PFKFB3: variants seen among roughly 807,000 people sequenced by gnomAD.
The protein encoded by PFKFB3 is 6-phosphofructo-2-kinase/fructose-2,6-biphosphatase 3, also known as 6-phosphofructo-2-kinase/fructose-2,6-bisphosphatase 3.
In PFKFB3, 33 loss-of-function variants were observed where a neutral mutation model predicts 68.0. That is an observed-to-expected ratio of 0.49 (90% CI 0.37 to 0.65). The LOEUF is 0.65. PFKFB3 is among the 30% of genes least tolerant of loss of function. The pLI is 0.00. For synonymous variants in PFKFB3, 315 were observed against 288.2 expected (o/e 1.09, Z -0.94); for missense variants, 586 against 712.2 (o/e 0.82, Z 2.02).
At chr10:6,294,981 T>G in the PFKFB3 span, among the ~76,000 whole-genome samples, 3 of 152,074 alleles carry the variant, frequency 2.0e-5, no homozygotes, top group Non-Finnish European at 2.9e-5. Flanking sequence ...TTTTGTTTTT[T>G]TTTTTTATCA....
intron 14 of PFKFB3, among the ~76,000 whole-genome samples, chr10:6,252,837 G>T (rs969921462): frequency 2.0e-5 from 3 of 152,190 alleles, no homozygotes; most frequent in African/African-American, 7.2e-5. Context: ...GTTAATAGAG[G>T]TAAATAGTTT....
At chr10:6,195,169 C>A (rs968424933) in intron 1 of PFKFB3, among the ~76,000 whole-genome samples, 3 of 152,098 alleles carry the variant, frequency 2.0e-5, no homozygotes, top group African/African-American at 7.2e-5. Context: ...ACTGCGCTCG[C>A]CTCCTGTTCC....
chr10:6,273,910 T>C, the PFKFB3 span, among the ~76,000 whole-genome samples: 1 of 151,980 alleles, frequency 6.6e-6, no homozygotes, highest in Non-Finnish European at 1.5e-5. Context: ...CAGGAGAAAA[T>C]AAATTTTTGT....
intron 1 of PFKFB3, among the ~76,000 whole-genome samples, chr10:6,213,149 C>T (rs1366419031): frequency 6.6e-6 from 1 of 152,120 alleles, no homozygotes; most frequent in East Asian, 1.9e-4. Flanking sequence ...GACTGAGGGA[C>T]AGGGTGTGGC....
chr10:6,216,272 C>A, intron 4 of PFKFB3, 81 bp downstream of exon 4: 1 of 1,304,500 alleles, frequency 7.7e-7, no homozygotes, highest in Non-Finnish European at 1.1e-6. Context: ...GTACCGAGAC[C>A]TGTGCCTCTG....
chr10:6,215,114 G>A lies in PFKFB3; in HGVS notation c.203-107G>A, dbSNP rs976892477. On this transcript the variant is annotated intron_variant, in intron 2 of 14. Transcript: ENST00000379775. The surrounding 1 kb of genome is among the most constrained non-coding windows in gnomAD (Gnocchi z 4.3). ...CTTCCACACCATCTCATTCAAGTCGGTGTGGTTGGCCTGGTGGCTCTTCCT... is the reference window on the plus strand; with the variant it reads ...CTTCCACACCATCTCATTCAAGTCGATGTGGTTGGCCTGGTGGCTCTTCCT... 1.7e-5 allele frequency: 14 copies of A among 848,276 alleles called. No individual in the cohort carries two copies. Among genetic ancestry groups the A allele is most frequent in the Non-Finnish European group, 2.5e-5 (13 of 510,640 alleles). 52.5% of individuals were successfully genotyped at this position (848,276 alleles called of 1,614,324 possible).
intron 1 of PFKFB3, among the ~76,000 whole-genome samples, chr10:6,180,409 CA>C (rs1842677351): frequency 6.6e-6 from 1 of 152,132 alleles, no homozygotes; most frequent in Non-Finnish European, 1.5e-5. Context: ...GCAGAATAGC[CA>C]TTGTTAACAT....
chr10:6,281,987 C>G, the PFKFB3 span, among the ~76,000 whole-genome samples: 1 of 145,272 alleles, frequency 6.9e-6, no homozygotes, highest in Non-Finnish European at 1.5e-5. Context: ...GAGATGAGGT[C>G]TCACTATGTT....
At chr10:6,289,951 A>T in the PFKFB3 span, among the ~76,000 whole-genome samples, 1 of 152,136 alleles carries the variant, frequency 6.6e-6, no homozygotes, top group African/African-American at 2.4e-5. Context: ...TAGGTATTTT[A>T]TTCTCTTTGA....
chr10:6,203,123 C>G lies in PFKFB3; in HGVS notation c.-138C>G. ...GAACTTAGCCCAAAGCACGTTTCCC[C>G]TGGCAGCGCAGGAAACGCCCGGCCG... On this transcript the variant is annotated 5_prime_UTR_variant, in exon 1 of 15. Transcript: ENST00000379775. 6.7e-7 allele frequency: 1 copy of G among 1,485,036 alleles called. No individual in the cohort carries two copies. Among genetic ancestry groups the G allele is most frequent in the Non-Finnish European group, 8.9e-7 (1 of 1,120,428 alleles). The allele number at this position is 1,485,036 out of a possible 1,614,324, so 92.0% of individuals were successfully genotyped here.
At chr10:6,226,131 T>C in intron 13 of PFKFB3, 61 bp from the exon 14 acceptor site, 3 of 1,435,978 alleles carry the variant, frequency 2.1e-6, no homozygotes, top group Non-Finnish European at 2.8e-6. Context: ...TTTTTGGGGC[T>C]AATTTTCCTC....
chr10:6,237,307 C>T (rs1310768271), downstream of PFKFB3, among the ~76,000 whole-genome samples: 3 of 152,258 alleles, frequency 2.0e-5, no homozygotes, highest in African/African-American at 4.8e-5. Flanking sequence ...GCCCCGTCAT[C>T]GTCCATACGG....
Position 6,213,624 on chromosome 10 carries a change from C to T in PFKFB3, c.78C>T (p.Ser26=), listed in dbSNP as rs1266008371. Residue 26 remains serine (S), a splice_region_variant and synonymous_variant, in exon 2 of 15, where the codon TCC becomes TCT. Transcript: ENST00000379775. ...CACCCTTCTTGCTTGTTTTTCCAGC[C>T]TGTGGGCCAAAGCTGACCAACTCCC... The part of the protein sequence containing the change: ...PVDHRPSLPR[S]CGPKLTNSPT... 6.2e-7 allele frequency: 1 copy of T among 1,611,096 alleles called. No homozygotes were observed. The highest frequency in any genetic ancestry group is 8.5e-7 in the Non-Finnish European group (1 of 1,178,582).
At chr10:6,258,973 G>A (rs1208862017), downstream of PFKFB3, among the ~76,000 whole-genome samples, 4 of 152,148 alleles carry the variant, frequency 2.6e-5, no homozygotes, top group South Asian at 2.1e-4. Context: ...TTAGCTTTGG[G>A]CAGAGAGAAA....
chr10:6,231,089 G>T (rs545187482), intron 14 of PFKFB3, among the ~76,000 whole-genome samples: 1 of 152,084 alleles, frequency 6.6e-6, no homozygotes, highest in African/African-American at 2.4e-5. Context: ...TGGTGCTCTG[G>T]GGTGCCTTCC....
chr10:6,155,265 C>G (rs890586815), intron 1 of PFKFB3, among the ~76,000 whole-genome samples: 9 of 144,294 alleles, frequency 6.2e-5, no homozygotes, highest in African/African-American at 1.7e-4. Context: ...GGCAGTGGCG[C>G]GATCTCGGCT....
intron 1 of PFKFB3, among the ~76,000 whole-genome samples, chr10:6,208,593 C>G (rs1843955709): frequency 6.6e-6 from 1 of 151,936 alleles, no homozygotes; most frequent in Non-Finnish European, 1.5e-5. Flanking sequence ...TAGAGAAATC[C>G]CTGCCTTATC....
At chr10:6,179,823 G>A (rs903069692) in intron 1 of PFKFB3, among the ~76,000 whole-genome samples, 3 of 152,186 alleles carry the variant, frequency 2.0e-5, no homozygotes, top group Non-Finnish European at 2.9e-5. Flanking sequence ...CCCAAAGGCT[G>A]CTGGCTCCAA....
Position 6,222,908 on chromosome 10 carries a change from G to T in PFKFB3, c.1137G>T (p.Arg379=). Residue 379 remains arginine (R), a synonymous_variant, in exon 11 of 15, where the codon CGG becomes CGT. Coordinates refer to ENST00000379775, the MANE Select transcript of PFKFB3 (RefSeq NM_004566.4). Reference sequence around the variant, plus strand: ...AGCCAGTGATCATGGAGCTGGAGCGGCAGGAGAATGTGCTGGTCATCTGCC... The same window carrying T: ...AGCCAGTGATCATGGAGCTGGAGCGTCAGGAGAATGTGCTGGTCATCTGCC... ...RLEPVIMELE[R]QENVLVICHQ... is the part of the protein sequence containing the mutation. The T allele has an allele frequency of 3.7e-6, 6 of 1,613,878 alleles. No homozygotes were observed. Among genetic ancestry groups the T allele is most frequent in the Non-Finnish European group, 5.1e-6 (6 of 1,179,882 alleles).
Sources: allele counts gnomAD v4.1 joint callset (sites outside exome capture counted in the v4.1 genomes callset), GRCh38; gene constraint gnomAD v4.1.1; non-coding constraint Gnocchi (gnomAD v3.1); transcripts MANE v1.5; gene names NCBI Gene and HGNC (gene_info 2026-07-23, HGNC 2026-07-21).